Variants in GBE1 observed in about 807,000 individuals in gnomAD.
The protein encoded by GBE1 is 1,4-alpha-glucan-branching enzyme.
In GBE1, 70 loss-of-function variants were observed where a neutral mutation model predicts 88.8. That is an observed-to-expected ratio of 0.79 (90% CI 0.65 to 0.96). GBE1 has a LOEUF of 0.96. GBE1 is among the 40% of genes least tolerant of loss of function. GBE1 has a pLI of 0.00. For missense variants in GBE1, 872 were observed against 871.0 expected (o/e 1.00, Z -0.01); for synonymous variants, 284 against 300.1 (o/e 0.95, Z 0.56).
chr3:81,607,663 A>G (rs1462374219), intron 7 of GBE1, among the ~76,000 whole-genome samples: 4 of 152,132 alleles, frequency 2.6e-5, no homozygotes, highest in Non-Finnish European at 4.4e-5. Flanking sequence ...TTTTATCTTT[A>G]ATTTCTTTTG....
intron 12 of GBE1, among the ~76,000 whole-genome samples, chr3:81,541,268 C>G (rs996724327): frequency 1.3e-5 from 2 of 151,566 alleles, no homozygotes; most frequent in Admixed American, 1.3e-4. Context: ...AGTAACTGCT[C>G]CCCAGGAAAA....
intron 15 of GBE1, among the ~76,000 whole-genome samples, chr3:81,493,828 G>A (rs1015167917): frequency 2.9e-5 from 4 of 139,074 alleles, no homozygotes; most frequent in South Asian, 2.2e-4. Context: ...ACACCCATCC[G>A]AGAGGGTTTT....
intron 1 of GBE1, among the ~76,000 whole-genome samples, chr3:81,739,223 T>C (rs1011586085): frequency 6.6e-6 from 1 of 152,114 alleles, no homozygotes; most frequent in Non-Finnish European, 1.5e-5. Context: ...CTGCAGCACA[T>C]AGCAAATAGT....
chr3:81,732,397 A>T (rs937460976), intron 1 of GBE1, among the ~76,000 whole-genome samples: 1 of 152,190 alleles, frequency 6.6e-6, no homozygotes, highest in East Asian at 1.9e-4. Context: ...AATCTATGAG[A>T]TTTATGCATT....
intron 12 of GBE1, among the ~76,000 whole-genome samples, chr3:81,558,276 A>T (rs1703374334): frequency 6.6e-6 from 1 of 151,980 alleles, no homozygotes; most frequent in African/African-American, 2.4e-5. Flanking sequence ...GTTAAAAAGA[A>T]CCATGTTCAG....
At chr3:81,497,876 AT>A (rs1369290239) in intron 15 of GBE1, among the ~76,000 whole-genome samples, 1 of 152,158 alleles carries the variant, frequency 6.6e-6, no homozygotes, top group Non-Finnish European at 1.5e-5. Flanking sequence ...TTCCAAAACT[AT>A]TTTTATCAAA....
chr3:81,498,335 T>A (rs561072743), intron 15 of GBE1, among the ~76,000 whole-genome samples: 14 of 152,204 alleles, frequency 9.2e-5, no homozygotes, highest in Non-Finnish European at 8.8e-5. Flanking sequence ...GAGAATTTAA[T>A]GAAATAAGAA....
intron 14 of GBE1, among the ~76,000 whole-genome samples, chr3:81,513,417 T>G (rs1702750953): frequency 6.6e-6 from 1 of 151,322 alleles, no homozygotes; most frequent in South Asian, 2.1e-4. Context: ...AACTAGGACA[T>G]GCGAAAAAAC....
Position 81,563,416 on chromosome 3 carries a change from G to A in GBE1, c.1618+14509C>T, listed in dbSNP as rs140963556. Among the ~76,000 whole-genome samples, 34 of 152,232 alleles carry A rather than the reference G, an allele frequency of 2.2e-4. No homozygotes were observed. In the East Asian group the frequency reaches 3.3e-3, roughly 15 times the overall value. On this transcript the variant is annotated intron_variant, in intron 12 of 15. Transcript: ENST00000429644. ...TAGAGTGATGTCAGGAAAGGGTAGG[G>A]CTATTCATTTGTTTGCATGTCCAAC...
At chr3:81,594,870 A>C (rs1703935351) in intron 7 of GBE1, among the ~76,000 whole-genome samples, 1 of 151,996 alleles carries the variant, frequency 6.6e-6, no homozygotes, top group South Asian at 2.1e-4. Flanking sequence ...ATCTTATTAT[A>C]ACTGTGGTTT....
intron 1 of GBE1, among the ~76,000 whole-genome samples, chr3:81,750,589 G>GTGTA (rs1553696587): frequency 3.2e-5 from 1 of 30,820 alleles, no homozygotes; most frequent in African/African-American, 2.0e-4. Flanking sequence ...ATATATATAC[G>GTGTA]TATATATATA....
intron 2 of GBE1, among the ~76,000 whole-genome samples, chr3:81,676,664 A>T (rs1223736649): frequency 6.6e-6 from 1 of 151,950 alleles, no homozygotes; most frequent in East Asian, 1.9e-4. Context: ...TATTTTACTT[A>T]AGTGCTGGGA....
At chr3:81,719,621 AATTG>A (rs1353691398) in intron 1 of GBE1, among the ~76,000 whole-genome samples, 7 of 152,218 alleles carry the variant, frequency 4.6e-5, no homozygotes, top group Non-Finnish European at 7.3e-5. Context: ...AACTTGAATT[AATTG>A]ATCTGAAGCA....
intron 1 of GBE1, among the ~76,000 whole-genome samples, chr3:81,717,376 T>G (rs549889478): frequency 3.5e-4 from 54 of 152,352 alleles, no homozygotes; most frequent in Non-Finnish European, 5.4e-4. Context: ...AGTATGCTCC[T>G]GAGAATGTAT....
At chr3:81,724,741 T>C (rs1011797660) in intron 1 of GBE1, among the ~76,000 whole-genome samples, 6 of 151,992 alleles carry the variant, frequency 3.9e-5, no homozygotes, top group African/African-American at 1.4e-4. Flanking sequence ...AAAGCAAAAA[T>C]TAGTTTTACT....
chr3:81,497,468 G>A (rs947365186), intron 15 of GBE1, among the ~76,000 whole-genome samples: 1 of 152,152 alleles, frequency 6.6e-6, no homozygotes, highest in Admixed American at 6.6e-5. Context: ...CTGTAGGGAA[G>A]ATAATATGAA....
intron 7 of GBE1, among the ~76,000 whole-genome samples, chr3:81,596,546 T>A (rs968143182): frequency 6.6e-6 from 1 of 151,930 alleles, no homozygotes; most frequent in Non-Finnish European, 1.5e-5. Flanking sequence ...TAAGAAAAAA[T>A]GAATTGTCAG....
At chr3:81,612,852 G>GA in intron 7 of GBE1, 6 of 415,402 alleles carry the variant, frequency 1.4e-5, no homozygotes, top group South Asian at 1.2e-4. Context: ...TGAGTTAGGA[G>GA]AGTTCATCAA....
chr3:81,525,778 G>A (rs1308559960), intron 14 of GBE1, among the ~76,000 whole-genome samples: 2 of 152,002 alleles, frequency 1.3e-5, no homozygotes, highest in African/African-American at 4.8e-5. Flanking sequence ...TATGTGTCGA[G>A]GAATTTATCC....
Sources: allele counts gnomAD v4.1 joint callset (sites outside exome capture counted in the v4.1 genomes callset), GRCh38; gene constraint gnomAD v4.1.1; transcripts MANE v1.5; gene names NCBI Gene and HGNC (gene_info 2026-07-23, HGNC 2026-07-21).